The following AARS1 variants were observed in gnomAD, a reference collection of about 807,000 sequenced individuals.
AARS1 encodes alanyl-tRNA synthetase 1.
AARS1 carries 72 observed loss-of-function variants against 108.9 expected under a neutral mutation model. The ratio of observed to expected loss-of-function variants is 0.66; its 90% CI spans 0.55 to 0.80. The LOEUF is 0.80. Ranked by LOEUF, AARS1 falls within the 30% of genes least tolerant of loss-of-function variation. The probability of loss-of-function intolerance (pLI) is 0.00; values close to 1 mark genes in which losing one functional copy is unlikely to be tolerated. For missense variants in AARS1, 1,193 were observed against 1,233.2 expected (o/e 0.97, Z 0.49); for synonymous variants, 489 against 465.7 (o/e 1.05, Z -0.64).
chr16:70,253,955 G>A lies in AARS1; in HGVS notation c.2484C>T (p.Asp828=), dbSNP rs1396982566. ...TLKSLKKVMD[D]LDRASKADVQ... Reference sequence around the variant, plus strand: ...CATCGGCTTTGCTGGCTCGGTCCAAGTCATCCATGACCTTCTTTAGGGATT... The same window carrying A: ...CATCGGCTTTGCTGGCTCGGTCCAAATCATCCATGACCTTCTTTAGGGATT... The change falls in exon 18 of 21, where the codon GAC becomes GAT. Residue 828 remains aspartate (D), a synonymous_variant. Coordinates refer to ENST00000261772, the MANE Select transcript of AARS1 (RefSeq NM_001605.3). 6.2e-7 allele frequency: 1 copy of A among 1,614,078 alleles called. No homozygotes were observed. The highest frequency in any genetic ancestry group is 8.5e-7 in the Non-Finnish European group (1 of 1,180,060).
At chr16:70,266,679 G>A (rs999816424) in intron 9 of AARS1, among the ~76,000 whole-genome samples, 1 of 151,452 alleles carries the variant, frequency 6.6e-6, no homozygotes, top group African/African-American at 2.4e-5. Flanking sequence ...CCGCCATCAT[G>A]CATGGCTAAT....
chr16:70,276,220 AT>A (rs2152166524), intron 4 of AARS1: 11 of 207,046 alleles, frequency 5.3e-5, no homozygotes, highest in South Asian at 3.3e-4. Flanking sequence ...TCTCAAAAAA[AT>A]AAATAAATAA....
At chr16:70,262,989 AAAAAAAAAAC>A (rs1960176764) in intron 11 of AARS1, among the ~76,000 whole-genome samples, 1 of 147,152 alleles carries the variant, frequency 6.8e-6, no homozygotes, top group African/African-American at 2.5e-5. Flanking sequence ...AAAAAAAAAA[AAAAAAAAAAC>A]AACAACAACA....
rs1960120176 is a variant in AARS1 at position 70,261,042 on chromosome 16, A to G, written c.1785+2T>C. Reference sequence around the variant, plus strand: ...AATGGGGGCCACAGTAACCCAACTCACCTCATCAATAAACAGCCAGACCTG... The same window carrying G: ...AATGGGGGCCACAGTAACCCAACTCGCCTCATCAATAAACAGCCAGACCTG... On this transcript the variant is annotated splice_donor_variant, in intron 13 of 20. Transcript: ENST00000261772. LOFTEE classifies it high-confidence loss of function. 2 of 1,610,444 alleles carry G rather than the reference A, an allele frequency of 1.2e-6. No homozygotes were observed. Among genetic ancestry groups the G allele is most frequent in the Non-Finnish European group, 1.7e-6 (2 of 1,177,046 alleles).
chr16:70,262,771 A>C (rs970693471), intron 11 of AARS1, among the ~76,000 whole-genome samples: 12 of 151,890 alleles, frequency 7.9e-5, no homozygotes, highest in African/African-American at 2.7e-4. Context: ...GATCGAGACC[A>C]TCCTGGCTAA....
intron 14 of AARS1, 90 bp from the exon 15 acceptor site, chr16:70,258,307 C>G (rs1960044278): frequency 6.9e-7 from 1 of 1,457,714 alleles, no homozygotes; most frequent in Non-Finnish European, 9.4e-7. Flanking sequence ...GCAGGCAGGA[C>G]TCGGGTTCCA....
Position 70,258,081 on chromosome 16 carries a change from G to A in AARS1, c.2129C>T (p.Pro710Leu), listed in dbSNP as rs754391789. 42 of 1,613,986 alleles carry A rather than the reference G, an allele frequency of 2.6e-5. No homozygotes were observed. The highest frequency in any genetic ancestry group is 3.1e-5 in the Non-Finnish European group (36 of 1,180,032). ...GVPVSELLDD[P>L]SGPAGSLTSV... ...AGTCAGGGAGCCAGCAGGCCCAGAG[G>A]GGTCATCCAGCAACTCGGACACCGG... Residue 710 changes from proline (P) to leucine (L), a missense_variant, in exon 15 of 21, where the codon CCC becomes CTC. Coordinates refer to ENST00000261772, the MANE Select transcript of AARS1 (RefSeq NM_001605.3).
In AARS1 at chr16:70,282,690, T is replaced by C. The variant is rs1300927114; in HGVS notation, c.74A>G (p.Tyr25Cys). ...TGGGATGGTGGCAGACGAGTGAACA[T>C]ACGTATGCTCGTTCCTCTTGAAGAA... ...IDFFKRNEHT[Y>C]VHSSATIPLD... Residue 25 changes from tyrosine (Y) to cysteine (C), a missense_variant, in exon 2 of 21, where the codon TAT becomes TGT. Tyr to Cys is a radical substitution (Grantham distance 194). Coordinates refer to ENST00000261772, the MANE Select transcript of AARS1 (RefSeq NM_001605.3). 3 of 1,614,118 alleles carry C rather than the reference T, an allele frequency of 1.9e-6. No homozygotes were observed. Among genetic ancestry groups the C allele is most frequent in the Middle Eastern group, 1.6e-4 (1 of 6,062 alleles).
chr16:70,283,575 G>C (rs1960762307), intron 1 of AARS1, among the ~76,000 whole-genome samples: 1 of 152,088 alleles, frequency 6.6e-6, no homozygotes, highest in African/African-American at 2.4e-5. Context: ...TATCTCTAAA[G>C]ATCCCTTCAG....
chr16:70,287,836 G>A (rs1179962788), intron 1 of AARS1, among the ~76,000 whole-genome samples: 1 of 151,856 alleles, frequency 6.6e-6, no homozygotes, highest in Non-Finnish European at 1.5e-5. Flanking sequence ...CGCAACCTCG[G>A]CTCACCGCAA....
At chr16:70,274,338 T>A (rs1301176076) in intron 4 of AARS1, among the ~76,000 whole-genome samples, 2 of 150,970 alleles carry the variant, frequency 1.3e-5, no homozygotes, top group Non-Finnish European at 2.9e-5. Flanking sequence ...CGAAACTCCA[T>A]CTCAAAAAAA....
chr16:70,269,817 C>G, intron 6 of AARS1, 54 bp from the exon 7 acceptor site: 1 of 1,610,762 alleles, frequency 6.2e-7, no homozygotes, highest in Admixed American at 1.7e-5. Context: ...TCTGGCGCTA[C>G]CTTGCCCAAG....
intron 4 of AARS1, among the ~76,000 whole-genome samples, chr16:70,275,143 C>A (rs1244583806): frequency 6.6e-6 from 1 of 151,734 alleles, no homozygotes; most frequent in Non-Finnish European, 1.5e-5. Flanking sequence ...ACCTGTAGTC[C>A]CAGCTACTCA....
intron 17 of AARS1, 102 bp downstream of exon 17, chr16:70,254,519 C>G (rs1959929311): frequency 1.2e-6 from 1 of 853,368 alleles, no homozygotes; most frequent in Non-Finnish European, 2.0e-6. Context: ...AAGGCCCATT[C>G]CACCAAGAAC....
At chr16:70,264,004 T>G (rs1371067165) in intron 11 of AARS1, among the ~76,000 whole-genome samples, 2 of 151,932 alleles carry the variant, frequency 1.3e-5, no homozygotes, top group African/African-American at 4.8e-5. Context: ...TCCCAGCACT[T>G]TGGGAGGCCA....
intron 11 of AARS1, among the ~76,000 whole-genome samples, chr16:70,262,998 A>AAAAAC (rs1960179806): frequency 7.6e-6 from 1 of 130,776 alleles, no homozygotes; most frequent in Non-Finnish European, 1.6e-5. Flanking sequence ...AAAAAAAAAA[A>AAAAAC]CAACAACAAC....
chr16:70,261,014 T>A, intron 13 of AARS1, 30 bp downstream of exon 13: 1 of 1,522,444 alleles, frequency 6.6e-7, no homozygotes, highest in Non-Finnish European at 9.1e-7. Flanking sequence ...ACTAACCAGA[T>A]CCAATGGGGG....
chr16:70,275,711 T>C (rs1163408942), intron 4 of AARS1, among the ~76,000 whole-genome samples: 8 of 150,868 alleles, frequency 5.3e-5, no homozygotes, highest in Non-Finnish European at 1.0e-4. Flanking sequence ...TGCAGTGAGC[T>C]GAGATCGCGC....
At chr16:70,275,643 G>A (rs1179963) in intron 4 of AARS1, among the ~76,000 whole-genome samples, 2 of 151,724 alleles carry the variant, frequency 1.3e-5, no homozygotes, top group East Asian at 2.0e-4. Context: ...GGCGCCTGTA[G>A]TCCCAGCTAC....
Sources: allele counts gnomAD v4.1 joint callset (sites outside exome capture counted in the v4.1 genomes callset), GRCh38; gene constraint gnomAD v4.1.1; transcripts MANE v1.5; gene names NCBI Gene and HGNC (gene_info 2026-07-23, HGNC 2026-07-21).